NALF1: variants seen among roughly 807,000 people sequenced by gnomAD.
NALF1 encodes the protein NALCN channel auxiliary factor 1.
Under a neutral mutation model 48.4 loss-of-function variants are expected in NALF1, and 3 were observed. The observed-to-expected ratio is 0.06, with a 90% CI of 0.03 to 0.16. The LOEUF is 0.16. Ranked by LOEUF, NALF1 falls within the 10% of genes least tolerant of loss-of-function variation. The probability of loss-of-function intolerance (pLI) is 1.00; values close to 1 mark genes in which losing one functional copy is unlikely to be tolerated. For missense variants in NALF1, 526 were observed against 571.5 expected, an observed-to-expected ratio of 0.92 and a Z score of 0.81; for synonymous variants, 262 against 245.7, an observed-to-expected ratio of 1.07 and a Z score of -0.62.
chr13:107,199,777 C>T (rs1347102420), intron 2 of NALF1, among the ~76,000 whole-genome samples: 1 of 152,184 alleles, frequency 6.6e-6, no homozygotes, highest in Non-Finnish European at 1.5e-5. Context: ...ACATGAAATA[C>T]TGAGATGCTT....
At chr13:107,418,628 G>T (rs1884133897) in intron 1 of NALF1, among the ~76,000 whole-genome samples, 1 of 151,996 alleles carries the variant, frequency 6.6e-6, no homozygotes, top group African/African-American at 2.4e-5. Flanking sequence ...AGTGAGGTTT[G>T]GGGTACAAAT....
At chr13:107,186,688 T>C (rs1879182187) in intron 2 of NALF1, among the ~76,000 whole-genome samples, 1 of 152,178 alleles carries the variant, frequency 6.6e-6, no homozygotes, top group African/African-American at 2.4e-5. Context: ...TTCTAGGCAA[T>C]TTTTACAACA....
intron 1 of NALF1, among the ~76,000 whole-genome samples, chr13:107,295,514 G>T (rs1881708637): frequency 6.6e-6 from 1 of 152,162 alleles, no homozygotes; most frequent in Non-Finnish European, 1.5e-5. Flanking sequence ...CCCCTGCTCA[G>T]TGTCTTCCCT....
At position 107,325,291 on chromosome 13, in the gene NALF1, AATGCATG is replaced by A. The variant is rs535324459; in HGVS notation, c.916-114543_916-114537del. Among the ~76,000 whole-genome samples the A allele has an allele frequency of 4.4e-3, 671 of 152,310 alleles. 5 individuals carry two copies. Among genetic ancestry groups the A allele is most frequent in the African/African-American group, 0.015 (638 of 41,582 alleles). On this transcript the variant is annotated intron_variant, in intron 1 of 2. Transcript: ENST00000375915. ...AAATCATATAATGGCCTGAAATCAG[AATGCATG>A]ATGATGATGAGCTAATTTTTCCAAG...
chr13:107,661,966 A>T (rs2138477874), intron 1 of NALF1, among the ~76,000 whole-genome samples: 1 of 152,302 alleles, frequency 6.6e-6, no homozygotes, highest in Non-Finnish European at 1.5e-5. Context: ...AATCTTTTAA[A>T]AAATTGTATG....
At chr13:107,661,271 T>C (rs1880728371) in intron 1 of NALF1, among the ~76,000 whole-genome samples, 1 of 152,200 alleles carries the variant, frequency 6.6e-6, no homozygotes, top group East Asian at 1.9e-4. Flanking sequence ...TAGCATTAAA[T>C]GAAAACCTTT....
chr13:107,517,106 T>TA (rs1461967674), intron 1 of NALF1, among the ~76,000 whole-genome samples: 1 of 152,200 alleles, frequency 6.6e-6, no homozygotes, highest in African/African-American at 2.4e-5. Flanking sequence ...TGTATATGTA[T>TA]ATGTGTATAT....
At chr13:107,232,665 G>A (rs1880251699) in intron 1 of NALF1, among the ~76,000 whole-genome samples, 1 of 152,080 alleles carries the variant, frequency 6.6e-6, no homozygotes, top group Admixed American at 6.5e-5. Flanking sequence ...GGTGATCTAG[G>A]CTGAAATGAT....
At chr13:107,210,562 A>C in intron 2 of NALF1, 22 bp downstream of exon 2, 1 of 1,576,588 alleles carries the variant, frequency 6.3e-7, no homozygotes, top group South Asian at 1.1e-5. Flanking sequence ...ACTGGTGTAC[A>C]GACTCCCACC....
intron 1 of NALF1, among the ~76,000 whole-genome samples, chr13:107,265,652 C>T (rs1372763675): frequency 1.3e-5 from 2 of 151,934 alleles, no homozygotes; most frequent in Non-Finnish European, 2.9e-5. Context: ...GTGATCCACC[C>T]GTCTTGGCCT....
intron 1 of NALF1, among the ~76,000 whole-genome samples, chr13:107,234,878 C>T (rs551132557): frequency 1.3e-5 from 2 of 152,260 alleles, no homozygotes; most frequent in East Asian, 3.9e-4. Flanking sequence ...CCCTTCCTAA[C>T]ATTTCAGGCA....
At chr13:107,653,062 T>C (rs977577245) in intron 1 of NALF1, among the ~76,000 whole-genome samples, 3 of 152,072 alleles carry the variant, frequency 2.0e-5, no homozygotes, top group Non-Finnish European at 4.4e-5. Context: ...GCAGAAAAGA[T>C]GGTAAAACAC....
At chr13:107,581,756 T>C (rs376097665) in intron 1 of NALF1, among the ~76,000 whole-genome samples, 1 of 152,210 alleles carries the variant, frequency 6.6e-6, no homozygotes, top group African/African-American at 2.4e-5. Flanking sequence ...TTGCATCTAT[T>C]TTTCTTCATA....
intron 2 of NALF1, among the ~76,000 whole-genome samples, chr13:107,176,652 TA>T (rs150446200): frequency 1.0e-4 from 15 of 150,388 alleles, no homozygotes; most frequent in South Asian, 4.2e-4. Context: ...AAAAAAAAAT[TA>T]AAAAAAAATA....
intron 1 of NALF1, among the ~76,000 whole-genome samples, chr13:107,437,634 A>G (rs1031696938): frequency 6.6e-6 from 1 of 152,216 alleles, no homozygotes; most frequent in African/African-American, 2.4e-5. Context: ...CATCCTCTAC[A>G]ATCCAACTTA....
chr13:107,248,819 T>C (rs1880636440), intron 1 of NALF1, among the ~76,000 whole-genome samples: 1 of 151,620 alleles, frequency 6.6e-6, no homozygotes, highest in Non-Finnish European at 1.5e-5. Context: ...TACAGCCTTT[T>C]ATTCTCATAA....
At chr13:107,687,846 T>G (rs1013458084) in intron 1 of NALF1, among the ~76,000 whole-genome samples, 2 of 152,224 alleles carry the variant, frequency 1.3e-5, no homozygotes, top group African/African-American at 4.8e-5. Context: ...ATGTAGCACA[T>G]GGCTGCCATG....
chr13:107,314,448 C>T (rs1358617469), intron 1 of NALF1, among the ~76,000 whole-genome samples: 1 of 152,076 alleles, frequency 6.6e-6, no homozygotes. Context: ...GTTCTCTTCT[C>T]CTAGTTCCAC....
chr13:107,580,910 C>A (rs1394839268), intron 1 of NALF1, among the ~76,000 whole-genome samples: 1 of 152,096 alleles, frequency 6.6e-6, no homozygotes, highest in African/African-American at 2.4e-5. Flanking sequence ...AAGAAAGAGT[C>A]ACCTTAACAA....
Sources: allele counts gnomAD v4.1 joint callset (sites outside exome capture counted in the v4.1 genomes callset), GRCh38; gene constraint gnomAD v4.1.1; transcripts MANE v1.5; gene names NCBI Gene and HGNC (gene_info 2026-07-23, HGNC 2026-07-21).